Variants in BAZ2B observed in about 807,000 individuals in gnomAD.
BAZ2B encodes the protein bromodomain adjacent to zinc finger domain 2B.
Under a neutral mutation model 246.0 loss-of-function variants are expected in BAZ2B, and 91 were observed. The ratio of observed to expected loss-of-function variants is 0.37; its 90% CI spans 0.31 to 0.44. BAZ2B has a LOEUF of 0.44. Ranked by LOEUF, BAZ2B falls within the 20% of genes least tolerant of loss-of-function variation. BAZ2B has a pLI of 1.00. For missense variants in BAZ2B, 2,332 were observed against 2,533.7 expected, an observed-to-expected ratio of 0.92 and a Z score of 1.71; for synonymous variants, 855 against 860.0, an observed-to-expected ratio of 0.99 and a Z score of 0.10.
At chr2:159,699,690 T>C in the BAZ2B span, among the ~76,000 whole-genome samples, 3 of 152,340 alleles carry the variant, frequency 2.0e-5, no homozygotes, top group South Asian at 6.2e-4. Context: ...TGCTTCTTAC[T>C]TCTTTCTACC....
intron 14 of BAZ2B, among the ~76,000 whole-genome samples, chr2:159,408,140 C>T (rs992783983): frequency 1.1e-4 from 17 of 152,136 alleles, no homozygotes; most frequent in African/African-American, 2.9e-4. Flanking sequence ...TGTGTATGAG[C>T]GTATCAATCA....
chr2:159,390,854 T>G (rs914563610), intron 20 of BAZ2B, among the ~76,000 whole-genome samples: 1 of 152,170 alleles, frequency 6.6e-6, no homozygotes, highest in Non-Finnish European at 1.5e-5. Flanking sequence ...ATGCAGACAT[T>G]CTGGGAGGAC....
chr2:159,381,084 A>G (rs2061945832), intron 25 of BAZ2B, among the ~76,000 whole-genome samples: 1 of 152,116 alleles, frequency 6.6e-6, no homozygotes, highest in Admixed American at 6.5e-5. Flanking sequence ...GTGGGCTCCT[A>G]TTAAATACTG....
chr2:159,510,400 G>A (rs2082795576), intron 2 of BAZ2B, among the ~76,000 whole-genome samples: 1 of 152,126 alleles, frequency 6.6e-6, no homozygotes. Flanking sequence ...CTGGTCTCAA[G>A]TGATCCTTGA....
intron 18 of BAZ2B, 100 bp from the exon 19 acceptor site, chr2:159,397,489 T>A: frequency 1.4e-6 from 1 of 710,756 alleles, no homozygotes; most frequent in Non-Finnish European, 2.2e-6. Flanking sequence ...AGTTTTTCAT[T>A]AGGTTGAACC....
chr2:159,348,184 G>A (rs187617087), intron 30 of BAZ2B, among the ~76,000 whole-genome samples: 2 of 151,898 alleles, frequency 1.3e-5, no homozygotes, highest in East Asian at 1.9e-4. Context: ...GCTGGGTGTG[G>A]GGGCATGTGC....
intron 25 of BAZ2B, among the ~76,000 whole-genome samples, chr2:159,378,169 C>T (rs55777625): frequency 0.016 from 2,385 of 152,234 alleles, 72 homozygotes; most frequent in African/African-American, 0.054. Flanking sequence ...GGAAACAGCT[C>T]CACTTGCCAA....
At chr2:159,405,583 G>A (rs562997383) in intron 14 of BAZ2B, among the ~76,000 whole-genome samples, 3 of 152,222 alleles carry the variant, frequency 2.0e-5, no homozygotes, top group Admixed American at 2.0e-4. Context: ...GGTAGACAAC[G>A]TCATGTTCAT....
intron 1 of BAZ2B, among the ~76,000 whole-genome samples, chr2:159,570,514 TAGA>T (rs1372267779): frequency 1.3e-5 from 2 of 152,182 alleles, no homozygotes; most frequent in Non-Finnish European, 2.9e-5. Context: ...TTTCACAATA[TAGA>T]AGAAGACAGG....
Position 159,337,041 on chromosome 2 carries a change from C to T in BAZ2B, c.5697G>A (p.Trp1899Ter). Residue 1899 changes from tryptophan (W) to a stop codon, truncating the protein, a stop_gained, in exon 33 of 37, where the codon TGG (tryptophan) becomes TGA (stop). Coordinates refer to ENST00000392783, the MANE Select transcript of BAZ2B (RefSeq NM_013450.4). LOFTEE classifies it high-confidence loss of function. ...TGCGAGCTTCTGATAATGCCCTTCT[C>T]CATACCCTGAGCCCTGGAGCAATAT... Reference protein sequence around the residue: ...EEDIAPGLRVWRRALSEARSA... With the variant: ...EEDIAPGLRV 6.2e-7 allele frequency: 1 copy of T among 1,613,284 alleles called. No homozygotes were observed.
At chr2:159,520,696 A>C (rs1373405284) in intron 2 of BAZ2B, among the ~76,000 whole-genome samples, 1 of 152,164 alleles carries the variant, frequency 6.6e-6, no homozygotes, top group African/African-American at 2.4e-5. Context: ...TGATTTCTGC[A>C]TGGTATACAA....
intron 1 of BAZ2B, among the ~76,000 whole-genome samples, chr2:159,613,109 A>G (rs1290405581): frequency 6.6e-6 from 1 of 152,186 alleles, no homozygotes; most frequent in Non-Finnish European, 1.5e-5. Context: ...AAAATTGTAA[A>G]TAAACAATAT....
At chr2:159,413,712 A>G (rs1315826590) in intron 13 of BAZ2B, among the ~76,000 whole-genome samples, 2 of 152,096 alleles carry the variant, frequency 1.3e-5, no homozygotes, top group Non-Finnish European at 2.9e-5. Context: ...TCATCTCTAA[A>G]TAAATAAATA....
At chr2:159,660,182 T>C in the BAZ2B span, among the ~76,000 whole-genome samples, 5 of 152,198 alleles carry the variant, frequency 3.3e-5, no homozygotes, top group Non-Finnish European at 7.3e-5. Flanking sequence ...CTCTATGAGG[T>C]ATCATATATA....
At chr2:159,518,195 G>T (rs988527035) in intron 2 of BAZ2B, among the ~76,000 whole-genome samples, 1 of 152,082 alleles carries the variant, frequency 6.6e-6, no homozygotes, top group Non-Finnish European at 1.5e-5. Flanking sequence ...AACATAAAGA[G>T]GTACAGCAAA....
chr2:159,566,225 G>A (rs1682543182), intron 1 of BAZ2B, among the ~76,000 whole-genome samples: 1 of 152,060 alleles, frequency 6.6e-6, no homozygotes, highest in South Asian at 2.1e-4. Flanking sequence ...TGGTCAGGCT[G>A]GTTTCGAACT....
intron 2 of BAZ2B, among the ~76,000 whole-genome samples, chr2:159,537,674 C>CT (rs369603965): frequency 1.2e-4 from 18 of 152,318 alleles, no homozygotes; most frequent in African/African-American, 4.3e-4. Context: ...GCTTTCTTCA[C>CT]TGTCATCTGA....
chr2:159,475,255 T>C (rs1323061279), intron 3 of BAZ2B, among the ~76,000 whole-genome samples: 1 of 152,198 alleles, frequency 6.6e-6, no homozygotes, highest in Admixed American at 6.5e-5. Context: ...TTCTGTCCTT[T>C]CATTGTTTTT....
intron 20 of BAZ2B, among the ~76,000 whole-genome samples, chr2:159,393,642 C>A (rs1458956247): frequency 6.6e-6 from 1 of 151,892 alleles, no homozygotes; most frequent in African/African-American, 2.4e-5. Flanking sequence ...TTGCTTAGGA[C>A]AAAGGTAGGT....
Sources: gnomAD v4.1 joint callset for allele counts (sites outside exome capture counted in the v4.1 genomes callset) on GRCh38, gnomAD v4.1.1 for gene constraint, MANE v1.5 for transcripts, NCBI Gene and HGNC (gene_info 2026-07-23, HGNC 2026-07-21) for gene names.